Variants in STPG2 observed in about 807,000 individuals in gnomAD.
The protein encoded by STPG2 is sperm tail PG-rich repeat containing 2, also known as sperm-tail PG-rich repeat-containing protein 2.
A neutral mutation model predicts 54.2 loss-of-function variants in STPG2; 56 were observed. The ratio of observed to expected loss-of-function variants is 1.03; its 90% CI spans 0.83 to 1.29. The LOEUF is 1.29. Ranked by LOEUF, STPG2 falls within the 50% of genes most tolerant of loss-of-function variation. The pLI is 0.00. For missense variants in STPG2, 596 were observed against 544.9 expected, an observed-to-expected ratio of 1.09 and a Z score of -0.93; for synonymous variants, 200 against 181.8, an observed-to-expected ratio of 1.10 and a Z score of -0.81.
At chr4:97,731,710 G>A (rs891569988) in intron 9 of STPG2, among the ~76,000 whole-genome samples, 2 of 152,154 alleles carry the variant, frequency 1.3e-5, no homozygotes, top group African/African-American at 4.8e-5. Flanking sequence ...GAGAAGAGGG[G>A]CACGTCCAGC....
intron 5 of STPG2, among the ~76,000 whole-genome samples, chr4:98,092,672 A>G (rs1222907996): frequency 6.6e-6 from 1 of 152,050 alleles, no homozygotes; most frequent in Admixed American, 6.5e-5. Flanking sequence ...TCTATTTAAG[A>G]TCTATATTAG....
intron 8 of STPG2, among the ~76,000 whole-genome samples, chr4:97,844,396 T>A (rs1215855587): frequency 6.6e-6 from 1 of 152,000 alleles, no homozygotes; most frequent in Admixed American, 6.6e-5. Flanking sequence ...TGGTAAAAGA[T>A]CCAGACATAT....
At chr4:97,881,159 A>T (rs1730357752) in intron 8 of STPG2, among the ~76,000 whole-genome samples, 1 of 152,146 alleles carries the variant, frequency 6.6e-6, no homozygotes, top group Non-Finnish European at 1.5e-5. Flanking sequence ...AGTGAATAAA[A>T]TAAAGTCTGA....
intron 4 of STPG2, among the ~76,000 whole-genome samples, chr4:97,552,001 G>A (rs1375606937): frequency 1.3e-5 from 2 of 152,026 alleles, no homozygotes; most frequent in Non-Finnish European, 2.9e-5. Context: ...AATTAGTTCA[G>A]TTCACTTCAA....
intron 5 of STPG2, among the ~76,000 whole-genome samples, chr4:98,044,519 C>A (rs1405273492): frequency 6.6e-6 from 1 of 152,182 alleles, no homozygotes; most frequent in Non-Finnish European, 1.5e-5. Context: ...CCTGCCTTCA[C>A]TGAAATATAC....
At chr4:97,820,446 T>A (rs1025394625) in intron 9 of STPG2, among the ~76,000 whole-genome samples, 1 of 152,146 alleles carries the variant, frequency 6.6e-6, no homozygotes, top group East Asian at 1.9e-4. Context: ...GAGGAAAGCA[T>A]GTTGAAAGCA....
chr4:97,801,258 C>T (rs550602085), intron 9 of STPG2, among the ~76,000 whole-genome samples: 2 of 152,276 alleles, frequency 1.3e-5, no homozygotes, highest in Non-Finnish European at 2.9e-5. Flanking sequence ...AGTAATCACC[C>T]GTCTTCTGCG....
rs1407547357 is a variant in STPG2, at chr4:97,976,225, A to G, written c.773-3785T>C. Among the ~76,000 whole-genome samples, 4 of 152,288 alleles carry G rather than the reference A, an allele frequency of 2.6e-5. No homozygotes were observed. In the East Asian group the frequency reaches 5.8e-4, roughly 22 times the overall value. On this transcript the variant is annotated intron_variant, in intron 6 of 10. Coordinates refer to ENST00000295268, the MANE Select transcript of STPG2 (RefSeq NM_174952.3). ...TATATATTATTCCCGCTGCTGTTCA[A>G]CATTCTTACAGTGGTAATGTTTAGG...
intron 9 of STPG2, among the ~76,000 whole-genome samples, chr4:97,741,323 A>G (rs976742246): frequency 2.0e-5 from 3 of 152,200 alleles, no homozygotes; most frequent in Non-Finnish European, 4.4e-5. Flanking sequence ...CATGTCTAAA[A>G]CACCAAAAGC....
intron 8 of STPG2, among the ~76,000 whole-genome samples, chr4:97,915,614 G>T: frequency 6.6e-6 from 1 of 152,036 alleles, no homozygotes; most frequent in East Asian, 1.9e-4. Flanking sequence ...GGTCTTAGAG[G>T]TCAGGAAGGC....
intron 5 of STPG2, among the ~76,000 whole-genome samples, chr4:98,042,942 C>G (rs1049124618): frequency 6.6e-6 from 1 of 151,620 alleles, no homozygotes; most frequent in African/African-American, 2.4e-5. Flanking sequence ...ATTGAAGTGT[C>G]CTACTATTAT....
At position 98,110,364 on chromosome 4, in the gene STPG2, A is replaced by G. The variant is rs1739311950; in HGVS notation, c.388-1059T>C. Reference sequence around the variant, plus strand: ...TGCGCGAATGGGCTCACACATGCACACTAAAAGGCAAAATGGCCGTGTTTA... The same window carrying G: ...TGCGCGAATGGGCTCACACATGCACGCTAAAAGGCAAAATGGCCGTGTTTA... On this transcript the variant is annotated intron_variant, in intron 3 of 10. Transcript: ENST00000295268. Among the ~76,000 whole-genome samples, 3 of 152,158 alleles carry G rather than the reference A, an allele frequency of 2.0e-5. No individual in the cohort carries two copies. The South Asian group carries it at 6.2e-4, about 31-fold the overall frequency.
intron 6 of STPG2, among the ~76,000 whole-genome samples, chr4:97,980,376 G>A (rs1734633516): frequency 6.6e-6 from 1 of 152,160 alleles, no homozygotes; most frequent in African/African-American, 2.4e-5. Flanking sequence ...GAGAGATAAA[G>A]TTTCATGTCC....
At chr4:97,668,715 G>T (rs998553275) in intron 10 of STPG2, among the ~76,000 whole-genome samples, 2 of 151,476 alleles carry the variant, frequency 1.3e-5, no homozygotes, top group African/African-American at 2.4e-5. Context: ...CAAAAGAAAA[G>T]AAAAATTAAA....
chr4:97,903,191 C>T (rs894938083), intron 8 of STPG2, among the ~76,000 whole-genome samples: 1 of 151,854 alleles, frequency 6.6e-6, no homozygotes, highest in South Asian at 2.1e-4. Flanking sequence ...TGAAATTTGC[C>T]AAGAGAATAG....
chr4:98,100,775 C>T (rs1739008435), intron 5 of STPG2, among the ~76,000 whole-genome samples: 1 of 150,298 alleles, frequency 6.7e-6, no homozygotes, highest in Admixed American at 6.7e-5. Context: ...TCCCAGGTTC[C>T]AGTGATTCTC....
At chr4:97,852,847 T>G (rs970647968) in intron 8 of STPG2, among the ~76,000 whole-genome samples, 1 of 152,068 alleles carries the variant, frequency 6.6e-6, no homozygotes, top group African/African-American at 2.4e-5. Context: ...CCAAGGTAAC[T>G]ATGTTTTCCA....
At chr4:97,923,515 TG>T (rs1180766690) in intron 8 of STPG2, among the ~76,000 whole-genome samples, 1 of 152,268 alleles carries the variant, frequency 6.6e-6, no homozygotes, top group East Asian at 1.9e-4. Context: ...AGAATCTTTA[TG>T]TCTAGCTAAG....
At chr4:97,835,479 A>G (rs554089328) in intron 9 of STPG2, among the ~76,000 whole-genome samples, 2 of 152,170 alleles carry the variant, frequency 1.3e-5, no homozygotes, top group East Asian at 3.9e-4. Context: ...ACTTGCTTTC[A>G]CTTACAAAAT....
Sources: allele counts gnomAD v4.1 joint callset (sites outside exome capture counted in the v4.1 genomes callset), GRCh38; gene constraint gnomAD v4.1.1; transcripts MANE v1.5; gene names NCBI Gene and HGNC (gene_info 2026-07-23, HGNC 2026-07-21).